Variants in PIWIL1 observed in about 807,000 individuals in gnomAD.
The protein encoded by PIWIL1 is piwi-like protein 1.
Under a neutral mutation model 114.4 loss-of-function variants are expected in PIWIL1, and 73 were observed. The ratio of observed to expected loss-of-function variants is 0.64; its 90% CI spans 0.53 to 0.78. The LOEUF (loss-of-function observed/expected upper bound fraction) is 0.78, where lower values mean the gene tolerates loss of function less well. Among genes scored for constraint, PIWIL1 ranks in the 30% least tolerant of loss-of-function variants. The probability of loss-of-function intolerance (pLI) is 0.00; values close to 1 mark genes in which losing one functional copy is unlikely to be tolerated. For synonymous variants in PIWIL1, 375 were observed against 369.0 expected (o/e 1.02, Z -0.19); for missense variants, 723 against 1,063.1 (o/e 0.68, Z 4.45).
At chr12:130,357,364 G>C in intron 13 of PIWIL1, 117 bp from the exon 14 acceptor site, 1 of 759,490 alleles carries the variant, frequency 1.3e-6, no homozygotes, top group South Asian at 1.8e-5. Flanking sequence ...GGCTAGTCTC[G>C]GTGTTTGATT....
intron 18 of PIWIL1, 109 bp downstream of exon 18, chr12:130,363,253 A>G: frequency 9.1e-7 from 1 of 1,102,442 alleles, no homozygotes; most frequent in South Asian, 1.5e-5. Flanking sequence ...CTTGATAGGG[A>G]CTGTAGGGCC....
chr12:130,416,659 C>T, the PIWIL1 span, among the ~76,000 whole-genome samples: 1 of 152,190 alleles, frequency 6.6e-6, no homozygotes, highest in South Asian at 2.1e-4. Context: ...TGGACATCAG[C>T]CTTGGCAAAG....
intron 3 of PIWIL1, among the ~76,000 whole-genome samples, chr12:130,344,726 C>T (rs1384383800): frequency 1.3e-5 from 2 of 152,266 alleles, no homozygotes; most frequent in South Asian, 4.1e-4. Context: ...TTTGAGCCCT[C>T]CCTGCCAGAT....
chr12:130,393,386 CCA>C, the PIWIL1 span, among the ~76,000 whole-genome samples: 1 of 150,266 alleles, frequency 6.7e-6, no homozygotes, highest in African/African-American at 2.5e-5. Context: ...TTGTGATGAC[CCA>C]GTCACCGTCA....
At chr12:130,405,771 T>TGTTTG in the PIWIL1 span, among the ~76,000 whole-genome samples, 1 of 151,696 alleles carries the variant, frequency 6.6e-6, no homozygotes, top group Non-Finnish European at 1.5e-5. Flanking sequence ...TTTAGGTTTT[T>TGTTTG]GTTTTGTTTT....
the PIWIL1 span, among the ~76,000 whole-genome samples, chr12:130,423,340 T>G: frequency 6.6e-6 from 1 of 152,188 alleles, no homozygotes; most frequent in African/African-American, 2.4e-5. Context: ...GGCGGCTGAG[T>G]CACTGAGGCA....
At chr12:130,392,429 G>A in the PIWIL1 span, among the ~76,000 whole-genome samples, 1 of 86,002 alleles carries the variant, frequency 1.2e-5, no homozygotes, top group Admixed American at 1.2e-4. Flanking sequence ...CCCGGTCACC[G>A]TCATCACGTG....
chr12:130,366,976 C>A (rs1436442940), intron 18 of PIWIL1, among the ~76,000 whole-genome samples, 157 bp from the exon 19 acceptor site: 2 of 152,196 alleles, frequency 1.3e-5, no homozygotes, highest in Non-Finnish European at 2.9e-5. Context: ...TTACTCCTGT[C>A]AAGAGTAAGA....
the PIWIL1 span, chr12:130,424,633 G>A: frequency 3.2e-4 from 393 of 1,231,882 alleles, no homozygotes; most frequent in Admixed American, 1.7e-3. The surrounding 1 kb of genome is among the most constrained non-coding windows in gnomAD (Gnocchi z 9.8). Context: ...CAGGAGCCCC[G>A]AGGGGCCTCG....
the PIWIL1 span, among the ~76,000 whole-genome samples, chr12:130,409,652 G>A: frequency 6.6e-6 from 1 of 152,100 alleles, no homozygotes; most frequent in Non-Finnish European, 1.5e-5. Context: ...CCAGAATGTA[G>A]CTTTTGAGAC....
chr12:130,367,793 A>C (rs1157656029), intron 19 of PIWIL1, among the ~76,000 whole-genome samples: 1 of 152,206 alleles, frequency 6.6e-6, no homozygotes, highest in African/African-American at 2.4e-5. Flanking sequence ...TCCGTGAGAA[A>C]GTCAGGAAAC....
At chr12:130,381,422 G>A in the PIWIL1 span, among the ~76,000 whole-genome samples, 4,554 of 152,216 alleles carry the variant, frequency 0.03, 151 homozygotes, top group African/African-American at 0.064. Flanking sequence ...GAATCACACG[G>A]TATGTAACTT....
the PIWIL1 span, among the ~76,000 whole-genome samples, chr12:130,391,723 A>AGGGTC: frequency 1.3e-5 from 2 of 152,142 alleles, no homozygotes; most frequent in African/African-American, 2.4e-5. Flanking sequence ...GCCAGCAGAG[A>AGGGTC]GGGTCTGAGT....
At chr12:130,393,147 C>G in the PIWIL1 span, among the ~76,000 whole-genome samples, 1 of 141,270 alleles carries the variant, frequency 7.1e-6, no homozygotes, top group South Asian at 2.4e-4. Flanking sequence ...ATGACCCGGT[C>G]ACCATCATCA....
At chr12:130,359,582 C>A (rs1011011150) in intron 14 of PIWIL1, among the ~76,000 whole-genome samples, 1 of 152,042 alleles carries the variant, frequency 6.6e-6, no homozygotes, top group African/African-American at 2.4e-5. Context: ...TTATTGGGGC[C>A]CTGCCTGATA....
downstream of PIWIL1, chr12:130,372,734 C>A (rs772605152): frequency 6.6e-6 from 1 of 150,862 alleles, no homozygotes; most frequent in Non-Finnish European, 1.5e-5. Context: ...GAACGGGTAT[C>A]CACAGCTTAT....
chr12:130,389,831 G>C, the PIWIL1 span, among the ~76,000 whole-genome samples: 1 of 152,116 alleles, frequency 6.6e-6, no homozygotes, highest in African/African-American at 2.4e-5. Context: ...CTCGTATAAA[G>C]TTATAAATTT....
rs2073683643 is a variant in PIWIL1 at position 130,367,189 on chromosome 12, A to G, written c.2252A>G (p.Gln751Arg). 1.9e-6 allele frequency: 3 copies of G among 1,614,110 alleles called. No homozygotes were observed. The highest frequency in any genetic ancestry group is 2.5e-6 in the Non-Finnish European group (3 of 1,179,972). Residue 751 changes from glutamine to arginine, a missense_variant, in exon 19 of 21, where the codon CAG becomes CGG. Around this residue, in one of 8 missense-constraint regions of PIWIL1, gnomAD observed 106 missense variants for 182.8 expected, o/e 0.58. Transcript: ENST00000245255. Reference protein sequence around the residue: ...KKRVNTRFFAQSGGRLQNPLP... With the variant: ...KKRVNTRFFARSGGRLQNPLP... ...AGAGTGAACACCAGATTTTTTGCTC[A>G]GTCTGGAGGAAGACTTCAGAATCCA...
the PIWIL1 span, among the ~76,000 whole-genome samples, chr12:130,402,994 G>C: frequency 6.6e-6 from 1 of 152,214 alleles, no homozygotes; most frequent in Non-Finnish European, 1.5e-5. Flanking sequence ...GGAGGAAAAG[G>C]CCAGGGAGGA....
Sources: allele counts gnomAD v4.1 joint callset (sites outside exome capture counted in the v4.1 genomes callset), GRCh38; gene constraint gnomAD v4.1.1; regional missense constraint gnomAD v4.1.1; non-coding constraint Gnocchi (gnomAD v3.1); transcripts MANE v1.5; gene names NCBI Gene and HGNC (gene_info 2026-07-23, HGNC 2026-07-21).